PTPRM: variants seen among roughly 807,000 people sequenced by gnomAD.
The protein encoded by PTPRM is receptor-type tyrosine-protein phosphatase mu.
A neutral mutation model predicts 186.7 loss-of-function variants in PTPRM; 47 were observed. The ratio of observed to expected loss-of-function variants is 0.25; its 90% confidence interval spans 0.20 to 0.32. The LOEUF (loss-of-function observed/expected upper bound fraction) is 0.32. PTPRM is among the 10% of genes least tolerant of loss of function. The pLI is 1.00. For synonymous variants in PTPRM, 668 were observed against 674.9 expected, an observed-to-expected ratio of 0.99 and a Z score of 0.16; for missense variants, 1,494 against 1,865.0, an observed-to-expected ratio of 0.80 and a Z score of 3.66.
chr18:7,833,354 G>T (rs1320787517), intron 2 of PTPRM, among the ~76,000 whole-genome samples: 1 of 152,044 alleles, frequency 6.6e-6, no homozygotes, highest in Non-Finnish European at 1.5e-5. Context: ...TAATTCCTAG[G>T]TATTTAATTT....
At chr18:7,919,801 T>G (rs1223554826) in intron 4 of PTPRM, among the ~76,000 whole-genome samples, 1 of 152,134 alleles carries the variant, frequency 6.6e-6, no homozygotes, top group Non-Finnish European at 1.5e-5. Flanking sequence ...TCTGTTGATG[T>G]TCCCTGCTAT....
intron 14 of PTPRM, among the ~76,000 whole-genome samples, chr18:8,218,039 C>T (rs2094110670): frequency 6.6e-6 from 1 of 152,084 alleles, no homozygotes; most frequent in East Asian, 1.9e-4. Flanking sequence ...TAGAGAGCAA[C>T]AAGATTTGTG....
intron 7 of PTPRM, among the ~76,000 whole-genome samples, chr18:8,024,726 C>G (rs971988634): frequency 7.4e-6 from 1 of 134,268 alleles, no homozygotes; most frequent in Admixed American, 8.2e-5. Context: ...CTTTGTCACC[C>G]AGGCTGGAGT....
intron 14 of PTPRM, among the ~76,000 whole-genome samples, chr18:8,200,732 C>CA (rs1232027660): frequency 6.6e-6 from 1 of 152,094 alleles, no homozygotes; most frequent in South Asian, 2.1e-4. Context: ...AAAAATAGTA[C>CA]AAAAAATTGC....
At chr18:8,171,322 G>T (rs1473150271) in intron 14 of PTPRM, among the ~76,000 whole-genome samples, 1 of 152,198 alleles carries the variant, frequency 6.6e-6, no homozygotes, top group African/African-American at 2.4e-5. Context: ...GCATGCTACA[G>T]CCACAGCCTG....
chr18:8,088,085 C>T (rs563672778), intron 10 of PTPRM, among the ~76,000 whole-genome samples: 70 of 152,222 alleles, frequency 4.6e-4, no homozygotes, highest in Non-Finnish European at 5.9e-4. Context: ...CGATAATAAA[C>T]GTAGAGGGTA....
intron 1 of PTPRM, among the ~76,000 whole-genome samples, chr18:7,610,838 T>A (rs1385623270): frequency 6.6e-6 from 1 of 152,216 alleles, no homozygotes. Flanking sequence ...TACTGCTTCT[T>A]CTAATTAAAT....
chr18:8,127,020 A>G (rs985825411), intron 13 of PTPRM, among the ~76,000 whole-genome samples: 16 of 152,052 alleles, frequency 1.1e-4, no homozygotes, highest in Non-Finnish European at 8.8e-5. Context: ...AAACAATTGG[A>G]GTGTTTTAGG....
intron 1 of PTPRM, among the ~76,000 whole-genome samples, chr18:7,772,338 TTTC>T (rs1317956356): frequency 4.3e-5 from 6 of 138,168 alleles, no homozygotes; most frequent in African/African-American, 1.0e-4. Flanking sequence ...CTTTCTTTTC[TTTC>T]TTTCTTTCTC....
At chr18:8,128,367 G>A (rs905500603) in intron 13 of PTPRM, among the ~76,000 whole-genome samples, 14 of 152,254 alleles carry the variant, frequency 9.2e-5, no homozygotes, top group Admixed American at 4.6e-4. Context: ...TTTCAGCTAC[G>A]GAAGTTAATA....
At chr18:8,056,968 T>G (rs531990082) in intron 7 of PTPRM, among the ~76,000 whole-genome samples, 1 of 151,990 alleles carries the variant, frequency 6.6e-6, no homozygotes, top group Admixed American at 6.6e-5. Context: ...TTTTCTGCAG[T>G]AAGGGAATGG....
chr18:7,694,100 C>G lies in PTPRM; in HGVS notation c.74-80049C>G, dbSNP rs569356702. On this transcript the variant is annotated intron_variant, in intron 1 of 32. Transcript: ENST00000580170. ...AGTGTGACACAAGCAATCACAGAAG[C>G]CTGGTCATCTGCATTCTGGCAGTGT... Among the ~76,000 whole-genome samples, 7 of 152,242 alleles carry G rather than the reference C, an allele frequency of 4.6e-5. No individual in the cohort carries two copies. In the South Asian group the frequency reaches 1.5e-3, roughly 32 times the overall value.
At chr18:8,280,346 A>G (rs1051319140) in intron 19 of PTPRM, among the ~76,000 whole-genome samples, 1 of 145,848 alleles carries the variant, frequency 6.9e-6, no homozygotes, top group Non-Finnish European at 1.5e-5. Flanking sequence ...CTCCAAATAC[A>G]GTCACATTCT....
At chr18:8,192,867 C>G (rs1195520464) in intron 14 of PTPRM, among the ~76,000 whole-genome samples, 3 of 152,056 alleles carry the variant, frequency 2.0e-5, no homozygotes, top group Non-Finnish European at 4.4e-5. Context: ...GAAAACTGAG[C>G]CTTAACAACA....
chr18:7,928,955 A>G (rs187729191), intron 5 of PTPRM, among the ~76,000 whole-genome samples: 165 of 152,310 alleles, frequency 1.1e-3, no homozygotes, highest in African/African-American at 3.6e-3. Flanking sequence ...TGGGGTTTGA[A>G]AAACAAAGGG....
intron 2 of PTPRM, among the ~76,000 whole-genome samples, chr18:7,829,636 C>A (rs902674378): frequency 1.3e-5 from 2 of 152,208 alleles, no homozygotes; most frequent in Non-Finnish European, 2.9e-5. Context: ...TATAAAGGAT[C>A]TGCAAGACCA....
chr18:7,783,230 C>G (rs1175171499), intron 2 of PTPRM, among the ~76,000 whole-genome samples: 2 of 152,072 alleles, frequency 1.3e-5, no homozygotes, highest in African/African-American at 4.8e-5. Flanking sequence ...GATGGTTATG[C>G]TACCTTTCCT....
In PTPRM at chr18:7,800,850, A is replaced by C. The variant is rs142825326; in HGVS notation, c.196+26579A>C. 2.0e-3 allele frequency among the ~76,000 whole-genome samples: 298 copies of C among 152,326 alleles called. 1 individual carries two copies. The highest frequency in any genetic ancestry group is 6.8e-3 in the African/African-American group (284 of 41,568). ...ACCTGTACAGCATGTTACTGTACTG[A>C]ATACTGTAGGTAATTGCAACACAAT... On this transcript the variant is annotated intron_variant, in intron 2 of 32. Transcript: ENST00000580170.
intron 20 of PTPRM, among the ~76,000 whole-genome samples, chr18:8,311,263 C>T (rs901264817): frequency 1.3e-5 from 2 of 151,672 alleles, no homozygotes; most frequent in African/African-American, 2.4e-5. Flanking sequence ...GAGCCGAGAT[C>T]GCGCCATTGC....
Sources: gnomAD v4.1 joint callset for allele counts (sites outside exome capture counted in the v4.1 genomes callset) on GRCh38, gnomAD v4.1.1 for gene constraint, MANE v1.5 for transcripts, NCBI Gene and HGNC (gene_info 2026-07-23, HGNC 2026-07-21) for gene names.